The following KIR2DL3 variants were observed in gnomAD, a reference collection of about 807,000 sequenced individuals.
KIR2DL3 encodes killer cell immunoglobulin like receptor, two Ig domains and long cytoplasmic tail 3, also known as killer cell immunoglobulin-like receptor 2DL3.
KIR2DL3 carries 39 observed loss-of-function variants against 33.8 expected under a neutral mutation model. The ratio of observed to expected loss-of-function variants is 1.15; its 90% CI spans 0.89 to 1.51. The LOEUF (loss-of-function observed/expected upper bound fraction) is 1.51, where lower values mean the gene tolerates loss of function less well. Ranked by LOEUF, KIR2DL3 falls within the 40% of genes most tolerant of loss-of-function variation. The pLI is 0.00. For missense variants in KIR2DL3, 462 were observed against 426.2 expected, an observed-to-expected ratio of 1.08 and a Z score of -0.74; for synonymous variants, 174 against 160.2, an observed-to-expected ratio of 1.09 and a Z score of -0.65.
chr19:54,752,873 A>C lies in KIR2DL3; in HGVS notation c.*354A>C. 2.3e-6 allele frequency: 1 copy of C among 431,794 alleles called. No homozygotes were observed. The highest frequency in any genetic ancestry group is 3.7e-5 in the East Asian group (1 of 27,154). 26.7% of individuals were successfully genotyped at this position (431,794 alleles called of 1,614,324 possible). On this transcript the variant is annotated 3_prime_UTR_variant, in exon 8 of 8. Coordinates refer to ENST00000342376, the MANE Select transcript of KIR2DL3 (RefSeq NM_015868.3). ...ATCACACTGAGGAACTCACAATTCC[A>C]AACATACAAGAGGCTCCCTCTTAAC... is the stretch of plus-strand genomic sequence containing the variant.
intron 4 of KIR2DL3, among the ~76,000 whole-genome samples, chr19:54,746,959 G>C (rs1450218649): frequency 8.2e-5 from 12 of 146,188 alleles, no homozygotes; most frequent in African/African-American, 7.6e-5. Flanking sequence ...TCCAGCCTGG[G>C]TGACAGAGCG....
chr19:54,738,621 G>A lies in KIR2DL3; in HGVS notation c.34+42G>A, dbSNP rs778220227. On this transcript the variant is annotated intron_variant, in intron 1 of 7. Transcript: ENST00000342376. ...CATCGAGGGAGGGAGTGCGGGGATGGAGATCGGGGCCCAGAGTTGGAGATA... is the reference window on the plus strand; with the variant it reads ...CATCGAGGGAGGGAGTGCGGGGATGAAGATCGGGGCCCAGAGTTGGAGATA... 17 of 1,613,714 alleles carry A rather than the reference G, an allele frequency of 1.1e-5. No individual in the cohort carries two copies. The African/African-American group carries it at 1.6e-4, about 15-fold the overall frequency.
At position 54,740,488 on chromosome 19, in the gene KIR2DL3, T is replaced by TCA. The variant is rs1324884184; in HGVS notation, c.70+956_70+957dup. Among the ~76,000 whole-genome samples the TCA allele has an allele frequency of 2.6e-5, 4 of 151,504 alleles. No homozygotes were observed. In the East Asian group the frequency reaches 5.8e-4, roughly 22 times the overall value. ...CACAGGGACATACAGATGTCGGGGT[T>TCA]CACACACACACTCCCCCAGTGGGTG... On this transcript the variant is annotated intron_variant, in intron 2 of 7. Coordinates refer to ENST00000342376, the MANE Select transcript of KIR2DL3 (RefSeq NM_015868.3).
intron 4 of KIR2DL3, among the ~76,000 whole-genome samples, chr19:54,746,844 A>C (rs1372156933): frequency 2.0e-5 from 3 of 147,518 alleles, no homozygotes; most frequent in Non-Finnish European, 3.0e-5. Flanking sequence ...TTAGCTGAGC[A>C]TGGTGGTCAG....
chr19:54,747,280 T>G, intron 4 of KIR2DL3, 55 bp from the exon 5 acceptor site: 5 of 1,598,960 alleles, frequency 3.1e-6, no homozygotes, highest in Non-Finnish European at 4.3e-6. Flanking sequence ...AGATTTCCAT[T>G]GAGTAGAGGA....
At chr19:54,739,889 A>G (rs1369051417) in intron 2 of KIR2DL3, among the ~76,000 whole-genome samples, 1 of 152,208 alleles carries the variant, frequency 6.6e-6, no homozygotes, top group Non-Finnish European at 1.5e-5. Flanking sequence ...AGAGGTGGGA[A>G]ACCACAGCCA....
chr19:54,751,915 C>A (rs1487636405), intron 6 of KIR2DL3, among the ~76,000 whole-genome samples, 162 bp downstream of exon 6: 1 of 133,688 alleles, frequency 7.5e-6, no homozygotes, highest in Non-Finnish European at 1.6e-5. Flanking sequence ...CCTGTCCCTG[C>A]CTTCAGCTCA....
At chr19:54,744,230 T>G (rs1373692542) in intron 4 of KIR2DL3, 142 bp downstream of exon 4, 14 of 1,364,372 alleles carry the variant, frequency 1.0e-5, no homozygotes, top group African/African-American at 2.9e-5. Flanking sequence ...GGGCACAGGA[T>G]GGCAGACAGG....
intron 4 of KIR2DL3, 125 bp downstream of exon 4, chr19:54,744,213 G>C: frequency 6.9e-7 from 1 of 1,458,374 alleles, no homozygotes; most frequent in Admixed American, 1.9e-5. Context: ...GTGTGAGGGA[G>C]GGATCAGGGC....
At chr19:54,742,304 T>C in intron 3 of KIR2DL3, 25 bp downstream of exon 3, 2 of 1,612,452 alleles carry the variant, frequency 1.2e-6, no homozygotes, top group Non-Finnish European at 1.7e-6. Context: ...ACATTCTCAT[T>C]GTCATTGGGA....
intron 4 of KIR2DL3, among the ~76,000 whole-genome samples, chr19:54,746,109 G>A (rs1431557383): frequency 7.5e-6 from 1 of 134,208 alleles, no homozygotes; most frequent in Non-Finnish European, 1.6e-5. Flanking sequence ...CACCACGCCC[G>A]GCCTAAAATC....
chr19:54,751,562 G>A, intron 5 of KIR2DL3, 87 bp from the exon 6 acceptor site: 1 of 1,126,956 alleles, frequency 8.9e-7, no homozygotes, highest in Non-Finnish European at 1.3e-6. Flanking sequence ...TGTTGTATGT[G>A]GTTACCTGTC....
At chr19:54,747,227 C>T (rs2072658179) in intron 4 of KIR2DL3, 108 bp from the exon 5 acceptor site, 9 of 1,376,702 alleles carry the variant, frequency 6.5e-6, no homozygotes, top group Non-Finnish European at 9.3e-6. Flanking sequence ...ACTCCCAGGG[C>T]CCAATATTAG....
At chr19:54,740,497 C>T (rs1187285623) in intron 2 of KIR2DL3, among the ~76,000 whole-genome samples, 1 of 151,694 alleles carries the variant, frequency 6.6e-6, no homozygotes, top group African/African-American at 2.4e-5. Flanking sequence ...TTCACACACA[C>T]ACTCCCCCAG....
In KIR2DL3 at chr19:54,752,383, A is replaced by C; in HGVS notation, c.890A>C (p.Asp297Ala). The C allele has an allele frequency of 2.7e-6, 4 of 1,471,302 alleles. 1 individual carries two copies. Among genetic ancestry groups the C allele is most frequent in the Admixed American group, 1.8e-5 (1 of 54,610 alleles). The allele number at this position is 1,471,302 out of a possible 1,614,324, so 91.1% of individuals were successfully genotyped here. Residue 297 changes from aspartate to alanine, a missense_variant, in exon 8 of 8, where the codon GAC becomes GCC. Transcript: ENST00000342376. ...TCTCTCCAGGACTCTGATGAACAAG[A>C]CCCTCAGGAGGTGACATATGCACAG... ...TVNREDSDEQ[D>A]PQEVTYAQLN... is the part of the protein sequence containing the mutation.
Position 54,746,261 on chromosome 19 carries a change from G to A in KIR2DL3, c.665-1074G>A, listed in dbSNP as rs746212566. Among the ~76,000 whole-genome samples, 4 of 133,552 alleles carry A rather than the reference G, an allele frequency of 3.0e-5. 1 individual carries two copies. Among genetic ancestry groups the A allele is most frequent in the Non-Finnish European group, 6.6e-5 (4 of 60,878 alleles). 87.6% of individuals were successfully genotyped at this position (133,552 alleles called of 152,430 possible). A position where few individuals can be genotyped will look rare whatever the true frequency, so the allele number is the denominator to read the frequency against. On this transcript the variant is annotated intron_variant, in intron 4 of 7. Coordinates refer to ENST00000342376, the MANE Select transcript of KIR2DL3 (RefSeq NM_015868.3). ...TCAATTAAATCGTTTGTTTTATTGA[G>A]TTGTTTGAGCTTCTTATATTTCTAG...
chr19:54,741,562 G>A (rs1406503694), intron 2 of KIR2DL3, among the ~76,000 whole-genome samples: 1 of 151,938 alleles, frequency 6.6e-6, no homozygotes, highest in Non-Finnish European at 1.5e-5. Context: ...CAGGGTGTGT[G>A]GACACTGGTG....
At chr19:54,746,745 G>T (rs370373329) in intron 4 of KIR2DL3, among the ~76,000 whole-genome samples, 2 of 150,302 alleles carry the variant, frequency 1.3e-5, no homozygotes, top group African/African-American at 4.9e-5. Flanking sequence ...CACTTTGGGA[G>T]CCCAAGGCGG....
At chr19:54,746,474 A>G (rs370588246) in intron 4 of KIR2DL3, among the ~76,000 whole-genome samples, 39 of 144,350 alleles carry the variant, frequency 2.7e-4, no homozygotes, top group South Asian at 4.7e-4. Context: ...CTTCAGACAA[A>G]TGTCCTGGAG....
Sources: allele counts gnomAD v4.1 joint callset (sites outside exome capture counted in the v4.1 genomes callset), GRCh38; gene constraint gnomAD v4.1.1; transcripts MANE v1.5; gene names NCBI Gene and HGNC (gene_info 2026-07-23, HGNC 2026-07-21).